The following ESRRB variants were observed in gnomAD, a reference collection of about 807,000 sequenced individuals.
ESRRB encodes the protein estrogen related receptor beta.
Under a neutral mutation model 46.0 loss-of-function variants are expected in ESRRB, and 16 were observed. The ratio of observed to expected loss-of-function variants is 0.35; its 90% CI spans 0.24 to 0.53. The LOEUF is 0.53. Ranked by LOEUF, ESRRB falls within the 20% of genes least tolerant of loss-of-function variation. ESRRB has a pLI of 0.93. For missense variants in ESRRB, 488 were observed against 607.4 expected, an observed-to-expected ratio of 0.80 and a Z score of 2.07; for synonymous variants, 246 against 259.6, an observed-to-expected ratio of 0.95 and a Z score of 0.50.
chr14:76,459,206 TTGGGATC>T (rs1490502811), intron 2 of ESRRB, among the ~76,000 whole-genome samples: 1 of 152,164 alleles, frequency 6.6e-6, no homozygotes, highest in African/African-American at 2.4e-5. Context: ...CATGAAATCC[TTGGGATC>T]TGTAAAGCAG....
intron 2 of ESRRB, among the ~76,000 whole-genome samples, chr14:76,443,425 A>T (rs1888002004): frequency 6.6e-6 from 1 of 152,152 alleles, no homozygotes; most frequent in Admixed American, 6.6e-5. Flanking sequence ...CTGCATGGTG[A>T]TGCTGTCTCT....
intron 1 of ESRRB, among the ~76,000 whole-genome samples, chr14:76,398,686 T>C (rs1355806844): frequency 6.6e-6 from 1 of 152,158 alleles, no homozygotes; most frequent in Non-Finnish European, 1.5e-5. Flanking sequence ...GGGCATTGCA[T>C]TCGGGGTCAA....
chr14:76,415,585 G>A (rs545516119), intron 1 of ESRRB, among the ~76,000 whole-genome samples: 4 of 152,268 alleles, frequency 2.6e-5, no homozygotes, highest in East Asian at 3.9e-4. Context: ...ACTTGAACCC[G>A]GAAGGTGGAG....
At chr14:76,475,368 C>G in intron 3 of ESRRB, among the ~76,000 whole-genome samples, 1 of 119,558 alleles carries the variant, frequency 8.4e-6, no homozygotes, top group South Asian at 3.0e-4. Context: ...GACCTTGCCT[C>G]GAAAAAAAAA....
rs117555834 is a variant in ESRRB, at chr14:76,312,483, A to G, written c.2+1567A>G. Among the ~76,000 whole-genome samples, 17 of 151,832 alleles carry G rather than the reference A, an allele frequency of 1.1e-4. No homozygotes were observed. In the East Asian group the frequency reaches 3.1e-3, roughly 28 times the overall value. ...TGAGAAATTAGAAGGCAAACGTCCC[A>G]TGTTCAGCCAGTAAGACCGCATTCA... On this transcript the variant is annotated intron_variant, in intron 1 of 6. Transcript: ENST00000512784.
chr14:76,395,800 C>G (rs1344205567), intron 1 of ESRRB, among the ~76,000 whole-genome samples: 1 of 138,434 alleles, frequency 7.2e-6, no homozygotes, highest in Non-Finnish European at 1.5e-5. Context: ...ATTTTTCCAC[C>G]TAATAAAGAC....
In ESRRB at chr14:76,456,038, G is replaced by GCACACACACACA. The variant is rs60824171; in HGVS notation, c.461-6478_461-6467dup. 6.2e-3 allele frequency among the ~76,000 whole-genome samples: 847 copies of GCACACACACACA among 137,252 alleles called. 10 individuals are homozygous for GCACACACACACA. Among genetic ancestry groups the GCACACACACACA allele is most frequent in the African/African-American group, 0.021 (784 of 37,044 alleles). The allele number at this position is 137,252 out of a possible 152,430, so 90.0% of individuals were successfully genotyped here. A position where few individuals can be genotyped will look rare whatever the true frequency, so the allele number is the denominator to read the frequency against. On this transcript the variant is annotated intron_variant, in intron 2 of 6. Transcript: ENST00000644823. ...AGCCTGGGCAACAAGAGCGAAACTC[G>GCACACACACACA]CACACACACACACACACACACACAC... is the stretch of plus-strand genomic sequence containing the variant.
chr14:76,368,126 C>CTTTTTTTTTTTTT (rs751709764), upstream of ESRRB, among the ~76,000 whole-genome samples: 1 of 124,228 alleles, frequency 8.0e-6, no homozygotes, highest in Non-Finnish European at 1.6e-5. Context: ...CTAATTTTTC[C>CTTTTTTTTTTTTT]TTTTTTTTTT....
At chr14:76,332,138 T>C (rs1884020785) in intron 1 of ESRRB, among the ~76,000 whole-genome samples, 1 of 151,678 alleles carries the variant, frequency 6.6e-6, no homozygotes, top group South Asian at 2.1e-4. Context: ...ATGATTGGAG[T>C]TGCCTCTCTC....
chr14:76,487,506 T>C (rs1048979975), intron 5 of ESRRB, among the ~76,000 whole-genome samples: 1 of 144,250 alleles, frequency 6.9e-6, no homozygotes, highest in East Asian at 2.2e-4. Flanking sequence ...ATTAGTTACC[T>C]TTTTTTTTTT....
Position 76,499,037 on chromosome 14 carries a change from A to T in ESRRB, c.*579A>T. The T allele has an allele frequency of 2.8e-6, 1 of 352,454 alleles. No individual in the cohort carries two copies. The highest frequency in any genetic ancestry group is 5.7e-6 in the Non-Finnish European group (1 of 175,024). The allele number at this position is 352,454 out of a possible 1,614,324, so 21.8% of individuals were successfully genotyped here. ...CAGCTTTCAGCCAGGGGGTACCCAC[A>T]GGAGAGCAGCGGCTAGAGCTCAAGT... On this transcript the variant is annotated 3_prime_UTR_variant, in exon 7 of 7. Transcript: ENST00000644823.
At chr14:76,438,530 G>A (rs545652003) in intron 1 of ESRRB, among the ~76,000 whole-genome samples, 7 of 152,042 alleles carry the variant, frequency 4.6e-5, no homozygotes, top group East Asian at 3.9e-4. Context: ...TGTGCATGAC[G>A]GCGGGTGCCT....
intron 2 of ESRRB, among the ~76,000 whole-genome samples, chr14:76,459,140 C>G (rs1595139059): frequency 3.3e-5 from 5 of 152,306 alleles, no homozygotes; most frequent in Admixed American, 3.3e-4. Flanking sequence ...CCACCACACC[C>G]AGCCCCTCTA....
chr14:76,327,903 G>A (rs975134169), intron 1 of ESRRB, among the ~76,000 whole-genome samples: 17 of 151,610 alleles, frequency 1.1e-4, no homozygotes, highest in African/African-American at 3.4e-4. Flanking sequence ...AAGTAGAGAC[G>A]AGGTTTCACC....
At chr14:76,415,794 A>G (rs1358154486) in intron 1 of ESRRB, among the ~76,000 whole-genome samples, 3 of 152,074 alleles carry the variant, frequency 2.0e-5, no homozygotes, top group African/African-American at 7.2e-5. Flanking sequence ...GGCATGAGCC[A>G]CTGCGCCTGA....
At chr14:76,321,522 CT>C (rs1883867133) in intron 1 of ESRRB, among the ~76,000 whole-genome samples, 1 of 152,204 alleles carries the variant, frequency 6.6e-6, no homozygotes, top group Admixed American at 6.5e-5. Flanking sequence ...ATAATCTCTC[CT>C]TGTGTTAACT....
upstream of ESRRB, among the ~76,000 whole-genome samples, chr14:76,374,924 C>T (rs536906585): frequency 2.6e-5 from 4 of 152,210 alleles, no homozygotes; most frequent in African/African-American, 9.6e-5. Context: ...TCTGCCCACT[C>T]TCCCAGCCCC....
At chr14:76,366,408 C>A (rs1200813825), upstream of ESRRB, among the ~76,000 whole-genome samples, 1 of 152,204 alleles carries the variant, frequency 6.6e-6, no homozygotes, top group Non-Finnish European at 1.5e-5. Context: ...CAAAACCGGC[C>A]TTCAACAATG....
intron 1 of ESRRB, among the ~76,000 whole-genome samples, chr14:76,438,237 C>A (rs906641591): frequency 4.6e-5 from 7 of 152,124 alleles, no homozygotes; most frequent in African/African-American, 1.4e-4. Context: ...CCACAGGATT[C>A]CTTCTTGAAT....
Sources: gnomAD v4.1 joint callset for allele counts (sites outside exome capture counted in the v4.1 genomes callset) on GRCh38, gnomAD v4.1.1 for gene constraint, MANE v1.5 for transcripts, NCBI Gene and HGNC (gene_info 2026-07-23, HGNC 2026-07-21) for gene names.